Variants in ABI2 observed in about 807,000 individuals in gnomAD.
ABI2 encodes abelson interactor 2.
In ABI2, 25 loss-of-function variants were observed where a neutral mutation model predicts 59.2. The ratio of observed to expected loss-of-function variants is 0.42; its 90% CI spans 0.31 to 0.59. The LOEUF is 0.59. Ranked by LOEUF, ABI2 falls within the 20% of genes least tolerant of loss-of-function variation. The pLI, the probability that ABI2 is intolerant of heterozygous loss-of-function variation, is 0.14. For missense variants in ABI2, 545 were observed against 681.8 expected (o/e 0.80, Z 2.23); for synonymous variants, 213 against 235.5 (o/e 0.90, Z 0.87).
At chr2:203,374,592 T>C (rs1013339301) in intron 2 of ABI2, among the ~76,000 whole-genome samples, 1 of 152,170 alleles carries the variant, frequency 6.6e-6, no homozygotes, top group East Asian at 1.9e-4. Context: ...AAGTAGACTT[T>C]TTATACTTCC....
At chr2:203,407,508 C>G (rs1398444852) in intron 9 of ABI2, among the ~76,000 whole-genome samples, 1 of 152,144 alleles carries the variant, frequency 6.6e-6, no homozygotes, top group East Asian at 1.9e-4. Context: ...AATTGGACAT[C>G]TAAAATACAA....
In ABI2 at chr2:203,338,526, T is replaced by C. The variant is rs1455671847; in HGVS notation, c.117+9895T>C. Among the ~76,000 whole-genome samples, 3 of 152,058 alleles carry C rather than the reference T, an allele frequency of 2.0e-5. No homozygotes were observed. The East Asian group carries it at 5.8e-4, about 29-fold the overall frequency. On this transcript the variant is annotated intron_variant, in intron 1 of 11. Transcript: ENST00000261018. ...GGAGCCCCCCCACCATGTGACATGC[T>C]GGCTCCACTTCTGCCATGATTACAC...
At chr2:203,338,886 C>A in intron 1 of ABI2, among the ~76,000 whole-genome samples, 1 of 132,522 alleles carries the variant, frequency 7.5e-6, no homozygotes, top group Admixed American at 8.1e-5. Flanking sequence ...AACCATACAT[C>A]TATCTGATAA....
chr2:203,332,396 G>A (rs529199265), intron 1 of ABI2, among the ~76,000 whole-genome samples: 1 of 152,148 alleles, frequency 6.6e-6, no homozygotes, highest in South Asian at 2.1e-4. Context: ...GGAGGCCGAG[G>A]CAGGCACATC....
intron 2 of ABI2, among the ~76,000 whole-genome samples, chr2:203,372,863 C>G (rs376964095): frequency 6.6e-6 from 1 of 151,548 alleles, no homozygotes; most frequent in Non-Finnish European, 1.5e-5. Context: ...ATATCCCAGA[C>G]GGGGCGGCGG....
intron 1 of ABI2, among the ~76,000 whole-genome samples, chr2:203,340,732 G>A (rs898935955): frequency 1.3e-5 from 2 of 151,794 alleles, no homozygotes; most frequent in African/African-American, 4.8e-5. Context: ...TCTTGATTGT[G>A]ATAACCATTT....
chr2:203,357,393 G>A (rs1235479535), intron 1 of ABI2, among the ~76,000 whole-genome samples: 2 of 152,140 alleles, frequency 1.3e-5, no homozygotes, highest in African/African-American at 4.8e-5. Flanking sequence ...CCTCACTTAA[G>A]GCATTAATGT....
intron 1 of ABI2, among the ~76,000 whole-genome samples, chr2:203,357,405 A>G (rs2092405439): frequency 6.6e-6 from 1 of 152,238 alleles, no homozygotes. Context: ...CATTAATGTG[A>G]TAGGTTTTAC....
In ABI2 at chr2:203,431,424, CAG is replaced by C. The variant is rs2098482608; in HGVS notation, c.*4075_*4076del. On this transcript the variant is annotated 3_prime_UTR_variant, in exon 12 of 12. Transcript: ENST00000261018. ...CATGCCATGTTTTGGTAAATACCAT[CAG>C]AGTTGTGTAAAGGCGTGTACTAAGT... The C allele has an allele frequency of 6.6e-6, 1 of 152,592 alleles. No individual in the cohort carries two copies. Among genetic ancestry groups the C allele is most frequent in the Non-Finnish European group, 1.5e-5 (1 of 68,024 alleles). The allele number at this position is 152,592 out of a possible 1,614,324, so 9.5% of individuals were successfully genotyped here. A position where few individuals can be genotyped will look rare whatever the true frequency, so the allele number is the denominator to read the frequency against.
chr2:203,367,162 T>C (rs1577277146), intron 2 of ABI2, 118 bp downstream of exon 2: 4 of 1,312,576 alleles, frequency 3.0e-6, no homozygotes, highest in Non-Finnish European at 3.9e-6. Flanking sequence ...ATTTGGAAAA[T>C]AGCAACTTAA....
At chr2:203,402,811 C>G in intron 9 of ABI2, 77 bp downstream of exon 9, 1 of 1,265,326 alleles carries the variant, frequency 7.9e-7, no homozygotes, top group African/African-American at 1.5e-5. Flanking sequence ...CCCTTAATTA[C>G]AAATAGTGCA....
At chr2:203,346,984 G>A (rs1298538053) in intron 1 of ABI2, among the ~76,000 whole-genome samples, 1 of 152,058 alleles carries the variant, frequency 6.6e-6, no homozygotes, top group Non-Finnish European at 1.5e-5. Context: ...ACTTGAATTT[G>A]TTTTAATTTT....
intron 2 of ABI2, 66 bp from the exon 3 acceptor site, chr2:203,380,142 T>C: frequency 1.0e-6 from 1 of 964,794 alleles, no homozygotes. Context: ...TAGGCATATA[T>C]ATTTTGATTT....
intron 10 of ABI2, among the ~76,000 whole-genome samples, chr2:203,415,060 A>G (rs1404465194): frequency 2.0e-5 from 3 of 152,218 alleles, no homozygotes; most frequent in African/African-American, 7.2e-5. Flanking sequence ...GGTTCTGTGC[A>G]GTTGTTTAAA....
At chr2:203,401,410 G>A (rs1403141212) in intron 8 of ABI2, among the ~76,000 whole-genome samples, 2 of 151,928 alleles carry the variant, frequency 1.3e-5, no homozygotes, top group Non-Finnish European at 2.9e-5. Flanking sequence ...CTCTCTCATG[G>A]GTGCTGTGGT....
chr2:203,361,828 G>A (rs1227132821), intron 1 of ABI2, among the ~76,000 whole-genome samples: 2 of 152,144 alleles, frequency 1.3e-5, no homozygotes, highest in African/African-American at 4.8e-5. Context: ...TTTATTGAGC[G>A]AGGTACCCTT....
At chr2:203,368,728 G>A (rs1162081624) in intron 2 of ABI2, among the ~76,000 whole-genome samples, 3 of 151,924 alleles carry the variant, frequency 2.0e-5, no homozygotes, top group African/African-American at 7.3e-5. Context: ...AAAAAAATTG[G>A]TGCGTTTTAA....
rs1288619817 is a variant in ABI2 at position 203,391,154 on chromosome 2, A to AT, written c.578+11_578+12insT. The AT allele has an allele frequency of 1.9e-6, 3 of 1,565,948 alleles. No individual in the cohort carries two copies. Among genetic ancestry groups the AT allele is most frequent in the Non-Finnish European group, 2.6e-6 (3 of 1,153,746 alleles). ...GAAAGGGACACTTGGGTGAGTATAT[A>AT]AGTAGTAATTGAAAACCATTTCATG... On this transcript the variant is annotated intron_variant, in intron 5 of 11. Coordinates refer to ENST00000261018, the MANE Select transcript of ABI2 (RefSeq NM_001375670.1).
At chr2:203,412,049 T>C (rs2097699099) in intron 10 of ABI2, among the ~76,000 whole-genome samples, 1 of 152,188 alleles carries the variant, frequency 6.6e-6, no homozygotes. Context: ...ATCACAATAA[T>C]AAGGTTACAT....
Sources: gnomAD v4.1 joint callset for allele counts (sites outside exome capture counted in the v4.1 genomes callset) on GRCh38, gnomAD v4.1.1 for gene constraint, MANE v1.5 for transcripts, NCBI Gene and HGNC (gene_info 2026-07-23, HGNC 2026-07-21) for gene names.